Variants in SPRYD7 observed in about 807,000 individuals in gnomAD.
The protein encoded by SPRYD7 is SPRY domain-containing protein 7.
Under a neutral mutation model 23.8 loss-of-function variants are expected in SPRYD7, and 14 were observed. The observed-to-expected ratio is 0.59, with a 90% CI of 0.39 to 0.92. The LOEUF is 0.92. SPRYD7 is among the 40% of genes least tolerant of loss of function. The pLI is 0.00. For synonymous variants in SPRYD7, 75 were observed against 84.9 expected, an observed-to-expected ratio of 0.88 and a Z score of 0.64; for missense variants, 194 against 241.7, an observed-to-expected ratio of 0.80 and a Z score of 1.31.
chr13:49,935,859 C>T (rs887412082), intron 1 of SPRYD7: 1 of 276,132 alleles, frequency 3.6e-6, no homozygotes, highest in Non-Finnish European at 6.8e-6. Context: ...TGTGACATCT[C>T]CGGAGGAAGC....
intron 3 of SPRYD7, among the ~76,000 whole-genome samples, chr13:49,922,069 T>G (rs1955827793): frequency 6.6e-6 from 1 of 152,046 alleles, no homozygotes. Flanking sequence ...AATAACACAT[T>G]TCTACATCTC....
intron 3 of SPRYD7, among the ~76,000 whole-genome samples, chr13:49,923,982 G>C (rs2138224656): frequency 6.7e-6 from 1 of 150,000 alleles, no homozygotes; most frequent in African/African-American, 2.4e-5. Context: ...TTGAGACAAG[G>C]TCTTTTTTTT....
chr13:49,930,755 T>C (rs1955938883), intron 2 of SPRYD7, among the ~76,000 whole-genome samples: 1 of 152,132 alleles, frequency 6.6e-6, no homozygotes. Flanking sequence ...GCATGTCTTG[T>C]CTTAAAACAC....
chr13:49,919,405 G>A (rs1235372983), intron 4 of SPRYD7, among the ~76,000 whole-genome samples: 2 of 152,146 alleles, frequency 1.3e-5, no homozygotes, highest in African/African-American at 4.8e-5. Context: ...TTAGCTGGGT[G>A]TGGTGGTGCG....
chr13:49,925,306 C>T (rs1462502410), intron 3 of SPRYD7, among the ~76,000 whole-genome samples: 1 of 151,830 alleles, frequency 6.6e-6, no homozygotes, highest in Non-Finnish European at 1.5e-5. Flanking sequence ...ACGGGAGAAT[C>T]GCTTGAATCC....
intron 2 of SPRYD7, 54 bp from the exon 3 acceptor site, chr13:49,928,139 G>A (rs951750619): frequency 6.6e-7 from 1 of 1,510,034 alleles, no homozygotes; most frequent in African/African-American, 1.4e-5. Flanking sequence ...CAACCATCGA[G>A]TTATTTTAAA....
chr13:49,921,724 C>T, intron 3 of SPRYD7, 144 bp from the exon 4 acceptor site: 1 of 586,854 alleles, frequency 1.7e-6, no homozygotes, highest in South Asian at 2.1e-5. Context: ...CCTACTTGAA[C>T]TGAGCTAAAA....
intron 4 of SPRYD7, among the ~76,000 whole-genome samples, chr13:49,917,818 C>T (rs1267153137): frequency 6.6e-6 from 1 of 152,092 alleles, no homozygotes; most frequent in African/African-American, 2.4e-5. Flanking sequence ...AAAGGAATTG[C>T]TTTTAGGCTT....
chr13:49,928,171 G>A, intron 2 of SPRYD7, 86 bp from the exon 3 acceptor site: 1 of 1,208,654 alleles, frequency 8.3e-7, no homozygotes, highest in African/African-American at 1.5e-5. Flanking sequence ...ACTTTTTAAA[G>A]GAAGTGCTGT....
chr13:49,926,967 T>C (rs1237626283), intron 3 of SPRYD7, among the ~76,000 whole-genome samples: 1 of 152,302 alleles, frequency 6.6e-6, no homozygotes, highest in Non-Finnish European at 1.5e-5. Context: ...ACATTTTCAA[T>C]GTGCTAGCTT....
intron 3 of SPRYD7, among the ~76,000 whole-genome samples, chr13:49,924,924 C>T (rs1053878267): frequency 8.8e-5 from 13 of 148,222 alleles, no homozygotes; most frequent in African/African-American, 1.2e-4. Flanking sequence ...TGCAGTAAGC[C>T]GAGACTGCAT....
At chr13:49,930,843 A>G (rs556542918) in intron 2 of SPRYD7, among the ~76,000 whole-genome samples, 175 bp downstream of exon 2, 49 of 152,344 alleles carry the variant, frequency 3.2e-4, no homozygotes, top group African/African-American at 1.1e-3. Flanking sequence ...AACTGAACCT[A>G]ATTTAACTAA....
intron 3 of SPRYD7, among the ~76,000 whole-genome samples, chr13:49,927,596 C>T (rs1057266132): frequency 2.0e-5 from 3 of 151,988 alleles, no homozygotes; most frequent in African/African-American, 7.2e-5. Flanking sequence ...CTTCAGCAAA[C>T]TTTTAGAATT....
At chr13:49,935,406 AG>A (rs1318089180) in intron 1 of SPRYD7, among the ~76,000 whole-genome samples, 1 of 152,270 alleles carries the variant, frequency 6.6e-6, no homozygotes, top group Non-Finnish European at 1.5e-5. Flanking sequence ...AGGTGGTGAA[AG>A]AGGCTATGAT....
rs1350416407 is a variant in SPRYD7, at chr13:49,913,521, A to T, written c.*1542T>A. 1.3e-5 allele frequency: 2 copies of T among 150,694 alleles called. No homozygotes were observed. Among genetic ancestry groups the T allele is most frequent in the African/African-American group, 4.9e-5 (2 of 40,994 alleles). 9.3% of individuals were successfully genotyped at this position (150,694 alleles called of 1,614,324 possible). On this transcript the variant is annotated 3_prime_UTR_variant, in exon 5 of 5. Coordinates refer to ENST00000361840, the MANE Select transcript of SPRYD7 (RefSeq NM_020456.4). ...ACTAAGTGCCTATGATTTTTATTTT[A>T]TTTTATTTTAATTTTTTTTGAGACA...
chr13:49,915,197 C>G (rs1955739281), intron 4 of SPRYD7, 37 bp from the exon 5 acceptor site: 1 of 987,938 alleles, frequency 1.0e-6, no homozygotes, highest in Non-Finnish European at 1.5e-6. Flanking sequence ...AAATTAGAAG[C>G]AAATACTTTA....
intron 4 of SPRYD7, among the ~76,000 whole-genome samples, chr13:49,918,519 C>T (rs1000278009): frequency 2.7e-5 from 4 of 149,778 alleles, no homozygotes; most frequent in Non-Finnish European, 5.9e-5. Context: ...AGTGATTCTC[C>T]GCCTCACCCT....
intron 4 of SPRYD7, among the ~76,000 whole-genome samples, chr13:49,917,411 G>A (rs143203551): frequency 3.3e-5 from 5 of 152,262 alleles, no homozygotes; most frequent in Admixed American, 2.0e-4. Flanking sequence ...CCAGGAAGTC[G>A]TAACTTTGTA....
chr13:49,922,235 T>C (rs1955829509), intron 3 of SPRYD7, among the ~76,000 whole-genome samples: 1 of 150,848 alleles, frequency 6.6e-6, no homozygotes, highest in African/African-American at 2.4e-5. Context: ...ACACTATTGA[T>C]GGAAAAAAAT....
Sources: allele counts gnomAD v4.1 joint callset (sites outside exome capture counted in the v4.1 genomes callset), GRCh38; gene constraint gnomAD v4.1.1; transcripts MANE v1.5; gene names NCBI Gene and HGNC (gene_info 2026-07-23, HGNC 2026-07-21).